Variants in SLCO1B1 observed in about 807,000 individuals in gnomAD.
SLCO1B1 encodes the protein solute carrier organic anion transporter family member 1B1.
In SLCO1B1, 81 loss-of-function variants were observed where a neutral mutation model predicts 70.1. The ratio of observed to expected loss-of-function variants is 1.16; its 90% CI spans 0.97 to 1.39. SLCO1B1 has a LOEUF of 1.39. SLCO1B1 is among the 40% of genes most tolerant of loss of function. The pLI, the probability that SLCO1B1 is intolerant of heterozygous loss-of-function variation, is 0.00. For missense variants in SLCO1B1, 895 were observed against 799.6 expected, an observed-to-expected ratio of 1.12 and a Z score of -1.44; for synonymous variants, 283 against 271.5, an observed-to-expected ratio of 1.04 and a Z score of -0.42.
chr12:21,152,558 GGACTGTAA>G (rs1456275105), intron 2 of SLCO1B1, among the ~76,000 whole-genome samples: 15 of 6,340 alleles, frequency 2.4e-3, no homozygotes, highest in African/African-American at 3.2e-3. Context: ...TTTTGCCTCT[GGACTGTAA>G]CCTTCACAAG....
At chr12:21,190,749 T>C (rs1054124989) in intron 7 of SLCO1B1, among the ~76,000 whole-genome samples, 4 of 152,130 alleles carry the variant, frequency 2.6e-5, no homozygotes, top group Admixed American at 1.3e-4. Context: ...TAGCTCCCAA[T>C]GATAAGTGAG....
At position 21,222,400 on chromosome 12, in the gene SLCO1B1, AT is replaced by A. The variant is rs1565443414; in HGVS notation, c.1747+37del. 752 of 81,182 alleles carry A rather than the reference AT, an allele frequency of 9.3e-3. 19 individuals are homozygous for A. The highest frequency in any genetic ancestry group is 0.014 in the Non-Finnish European group (594 of 41,894). 5.0% of individuals were successfully genotyped at this position (81,182 alleles called of 1,614,324 possible). On this transcript the variant is annotated intron_variant, in intron 13 of 14. Transcript: ENST00000256958. ...AAAAAAAAAAAAAAAAAAAAAAAAT[AT>A]ATATATATATATATATATATATATA...
chr12:21,208,750 T>C (rs1346525829), intron 11 of SLCO1B1, among the ~76,000 whole-genome samples: 1 of 152,130 alleles, frequency 6.6e-6, no homozygotes, highest in East Asian at 1.9e-4. Flanking sequence ...TTTCTACCAA[T>C]CCATGAGAGT....
intron 7 of SLCO1B1, 65 bp from the exon 8 acceptor site, chr12:21,196,881 T>C: frequency 1.3e-6 from 2 of 1,496,364 alleles, no homozygotes; most frequent in Non-Finnish European, 9.2e-7. Flanking sequence ...TTCATACCAT[T>C]ATTTCCCTGA....
At chr12:21,207,055 T>C (rs1941223065) in intron 11 of SLCO1B1, among the ~76,000 whole-genome samples, 2 of 152,132 alleles carry the variant, frequency 1.3e-5, no homozygotes, top group Admixed American at 6.6e-5. Flanking sequence ...GCCCACATCT[T>C]AGTCATGGCA....
chr12:21,176,981 G>C lies in SLCO1B1; in HGVS notation c.481+84G>C, dbSNP rs398088125. ...CTAAAAATTGTTGTGATATTCATTA[G>C]CAAAATTTAATTAAGAATGAATAGG... is the stretch of plus-strand genomic sequence containing the variant. On this transcript the variant is annotated intron_variant, in intron 5 of 14. Transcript: ENST00000256958. The C allele has an allele frequency of 3.0e-4, 319 of 1,049,290 alleles. 1 individual carries two copies. Among genetic ancestry groups the C allele is most frequent in the Non-Finnish European group, 3.9e-4 (267 of 679,810 alleles). 65.0% of individuals were successfully genotyped at this position (1,049,290 alleles called of 1,614,324 possible).
At chr12:21,209,166 T>G (rs1304070168) in intron 11 of SLCO1B1, among the ~76,000 whole-genome samples, 1 of 152,144 alleles carries the variant, frequency 6.6e-6, no homozygotes, top group African/African-American at 2.4e-5. Flanking sequence ...CACTAACTCG[T>G]CATCTAGCAT....
chr12:21,221,216 GA>G (rs1941419904), intron 12 of SLCO1B1, among the ~76,000 whole-genome samples: 1 of 152,068 alleles, frequency 6.6e-6, no homozygotes, highest in Non-Finnish European at 1.5e-5. Flanking sequence ...ATACTGAAAG[GA>G]AAAAAGTTGA....
intron 2 of SLCO1B1, among the ~76,000 whole-genome samples, chr12:21,158,216 G>C (rs1940566975): frequency 6.6e-6 from 1 of 152,054 alleles, no homozygotes; most frequent in Non-Finnish European, 1.5e-5. Flanking sequence ...ATTAAGTAAA[G>C]TAATAGCTAT....
chr12:21,174,764 A>G, intron 4 of SLCO1B1, 55 bp downstream of exon 4: 1 of 1,561,576 alleles, frequency 6.4e-7, no homozygotes, highest in Non-Finnish European at 8.7e-7. Flanking sequence ...CTTGTAAATT[A>G]GGAGTAGAAT....
At chr12:21,225,158 C>T (rs1188574199) in intron 14 of SLCO1B1, among the ~76,000 whole-genome samples, 1 of 151,948 alleles carries the variant, frequency 6.6e-6, no homozygotes, top group Non-Finnish European at 1.5e-5. Context: ...AAACTCTCCT[C>T]ATGTCAGTAT....
chr12:21,219,590 G>T (rs1018168265), intron 12 of SLCO1B1, among the ~76,000 whole-genome samples: 2 of 152,212 alleles, frequency 1.3e-5, no homozygotes, highest in African/African-American at 4.8e-5. Context: ...GCTGTGGGTA[G>T]AAAGTGTGTT....
chr12:21,229,681 G>C (rs1359299355), intron 14 of SLCO1B1, among the ~76,000 whole-genome samples: 1 of 152,116 alleles, frequency 6.6e-6, no homozygotes, highest in African/African-American at 2.4e-5. Context: ...TATATATGAA[G>C]ATGTTTGATT....
chr12:21,211,948 C>G (rs889576783), intron 11 of SLCO1B1, among the ~76,000 whole-genome samples: 1 of 149,850 alleles, frequency 6.7e-6, no homozygotes, highest in Non-Finnish European at 1.5e-5. Context: ...AGATTCTTCT[C>G]TCTTTTTTTC....
chr12:21,237,053 A>T (rs981565202), intron 14 of SLCO1B1, among the ~76,000 whole-genome samples: 2 of 152,168 alleles, frequency 1.3e-5, no homozygotes, highest in Admixed American at 6.5e-5. Flanking sequence ...ACCAATGTTG[A>T]TTATAATTTT....
At chr12:21,238,586 G>A (rs1172419708) in intron 14 of SLCO1B1, among the ~76,000 whole-genome samples, 1 of 151,988 alleles carries the variant, frequency 6.6e-6, no homozygotes. Context: ...TAAGGTGCTG[G>A]AGAAGGGGTA....
At chr12:21,157,758 C>T (rs774849854) in intron 2 of SLCO1B1, among the ~76,000 whole-genome samples, 3 of 151,936 alleles carry the variant, frequency 2.0e-5, no homozygotes, top group Non-Finnish European at 2.9e-5. Context: ...CCCACCACCA[C>T]GCCCACTAAT....
chr12:21,231,265 A>C (rs1483403518), intron 14 of SLCO1B1, among the ~76,000 whole-genome samples: 1 of 152,124 alleles, frequency 6.6e-6, no homozygotes, highest in Non-Finnish European at 1.5e-5. Context: ...GCTATTGTGA[A>C]TAGTGCAGCA....
rs531617475 is a variant in SLCO1B1 at position 21,231,412 on chromosome 12, G to A, written c.1865+6573G>A. 3.8e-5 allele frequency among the ~76,000 whole-genome samples: 5 copies of A among 133,140 alleles called. No individual in the cohort carries two copies. The South Asian group carries it at 8.9e-4, about 24-fold the overall frequency. 87.3% of individuals were successfully genotyped at this position (133,140 alleles called of 152,430 possible). A position where few individuals can be genotyped will look rare whatever the true frequency, so the allele number is the denominator to read the frequency against. On this transcript the variant is annotated intron_variant, in intron 14 of 14. Transcript: ENST00000256958. ...GTTCTATCCTCCTTCAATGCCTGGGGTTCCATGAGGAAATCAGAGCTTTTT... is the reference window on the plus strand; with the variant it reads ...GTTCTATCCTCCTTCAATGCCTGGGATTCCATGAGGAAATCAGAGCTTTTT...
Sources: gnomAD v4.1 joint callset for allele counts (sites outside exome capture counted in the v4.1 genomes callset) on GRCh38, gnomAD v4.1.1 for gene constraint, MANE v1.5 for transcripts, NCBI Gene and HGNC (gene_info 2026-07-23, HGNC 2026-07-21) for gene names.